Variants in MMP28 observed in about 807,000 individuals in gnomAD.
MMP28 encodes matrix metalloproteinase-28.
A neutral mutation model predicts 60.5 loss-of-function variants in MMP28; 55 were observed. That is an observed-to-expected ratio of 0.91 (90% CI 0.73 to 1.14). MMP28 has a LOEUF of 1.14. MMP28 is among the 50% of genes most tolerant of loss of function. The probability of loss-of-function intolerance (pLI) is 0.00; values close to 1 mark genes in which losing one functional copy is unlikely to be tolerated. For synonymous variants in MMP28, 318 were observed against 312.5 expected (o/e 1.02, Z -0.18); for missense variants, 686 against 738.3 (o/e 0.93, Z 0.82).
downstream of MMP28, among the ~76,000 whole-genome samples, chr17:35,762,453 A>C (rs1254780213): frequency 6.6e-6 from 1 of 152,132 alleles, no homozygotes; most frequent in Non-Finnish European, 1.5e-5. Context: ...CTTCTAGGGG[A>C]GGCCAGCTTA....
rs2086221353 is a variant in MMP28, at chr17:35,773,289, G to A, written c.495C>T (p.Val165=). The A allele has an allele frequency of 6.2e-7, 1 of 1,613,996 alleles. No homozygotes were observed. Among genetic ancestry groups the A allele is most frequent in the African/African-American group, 1.3e-5 (1 of 75,088 alleles). The change falls in exon 4 of 8, where the codon GTC becomes GTT. Residue 165 remains valine, a synonymous_variant. Coordinates refer to ENST00000605424, the MANE Select transcript of MMP28 (RefSeq NM_024302.5). ...VRAAFQLWSN[V]SALEFWEAPA... ...GGGCCTCCCAGAACTCCAGCGCTGA[G>A]ACGTTGCTCCACAACTGGAAGGCGG... is the stretch of plus-strand genomic sequence containing the variant.
At chr17:35,772,525 C>T (rs554333518) in intron 4 of MMP28, among the ~76,000 whole-genome samples, 32 of 152,252 alleles carry the variant, frequency 2.1e-4, no homozygotes, top group African/African-American at 7.7e-4. Flanking sequence ...AGTTCCCAGG[C>T]CATACAAGGG....
In MMP28 at chr17:35,766,784, G is replaced by A; in HGVS notation, c.1279C>T (p.Leu427=). Residue 427 remains leucine (L), a synonymous_variant, in exon 8 of 8, where the codon CTG becomes TTG. Coordinates refer to ENST00000605424, the MANE Select transcript of MMP28 (RefSeq NM_024302.5). This position sits in a 1 kb window ranked among gnomAD's most constrained non-coding sequence, Gnocchi z 4.3. The stretch of plus-strand genomic sequence containing the variant: ...CCCTTGAAGAGGATGAGGCGGCGCA[G>A]AGGAGGGAAGAAGAGGGCGGCGTCA... ...HPDAALFFPP[L]RRLILFKGAR... is the part of the protein sequence containing the mutation. 1 of 1,574,590 alleles carries A rather than the reference G, an allele frequency of 6.4e-7. No homozygotes were observed. Among genetic ancestry groups the A allele is most frequent in the Non-Finnish European group, 8.6e-7 (1 of 1,160,858 alleles).
Position 35,770,125 on chromosome 17 carries a change from C to A in MMP28, c.792G>T (p.Arg264Ser). The part of the protein sequence containing the change: ...PRALMAPYYK[R>S]LGRDALLSWD... The stretch of plus-strand genomic sequence containing the variant: ...AGCTGAGCAGCGCGTCGCGGCCCAG[C>A]CTCTTGTAGTAGGGCGCCATGAGCG... Residue 264 changes from arginine (R) to serine (S), a missense_variant, in exon 5 of 8, where the codon AGG (arginine) becomes AGT (serine). Coordinates refer to ENST00000605424, the MANE Select transcript of MMP28 (RefSeq NM_024302.5). 1.2e-6 allele frequency: 2 copies of A among 1,607,006 alleles called. No homozygotes were observed. The highest frequency in any genetic ancestry group is 1.7e-6 in the Non-Finnish European group (2 of 1,177,386).
At chr17:35,768,484 A>T in intron 5 of MMP28, 105 bp from the exon 6 acceptor site, 6 of 959,006 alleles carry the variant, frequency 6.3e-6, no homozygotes, top group Non-Finnish European at 9.0e-6. Flanking sequence ...ATCTAATATG[A>T]GGGGCAAGGA....
intron 3 of MMP28, among the ~76,000 whole-genome samples, chr17:35,774,803 C>G (rs1598438955): frequency 6.6e-6 from 1 of 152,172 alleles, no homozygotes; most frequent in Non-Finnish European, 1.5e-5. Context: ...GGGAGGGAGA[C>G]AAAGAAGGCA....
intron 3 of MMP28, 41 bp downstream of exon 3, chr17:35,778,847 A>G: frequency 6.2e-7 from 1 of 1,614,022 alleles, no homozygotes; most frequent in Non-Finnish European, 8.5e-7. Context: ...GCTTCAAGAC[A>G]TTGGGAAATC....
chr17:35,790,890 G>GTT (rs75405121), intron 1 of MMP28, among the ~76,000 whole-genome samples: 5,109 of 117,018 alleles, frequency 0.044, 302 homozygotes, highest in African/African-American at 0.13. Context: ...ATGTATTAAT[G>GTT]TTTTTTTTTT....
At chr17:35,764,321 G>T, downstream of MMP28, 3 of 1,477,154 alleles carry the variant, frequency 2.0e-6, no homozygotes, top group South Asian at 1.3e-5. Context: ...AGCTCCCACC[G>T]ACAGGTGCCT....
At chr17:35,777,657 A>C (rs1485304421) in intron 3 of MMP28, among the ~76,000 whole-genome samples, 1 of 152,246 alleles carries the variant, frequency 6.6e-6, no homozygotes, top group African/African-American at 2.4e-5. Context: ...TGATAGATGA[A>C]AACCTGGTTA....
Position 35,777,494 on chromosome 17 carries a change from T to C in MMP28, c.379+1394A>G, listed in dbSNP as rs116624311. ...CCTGGAAACAGCCACCCTCCAACAG[T>C]GAAGGGGAACTGCCCACAATTTCCT... On this transcript the variant is annotated intron_variant, in intron 3 of 7. Transcript: ENST00000605424. Among the ~76,000 whole-genome samples the C allele has an allele frequency of 9.7e-3, 1,481 of 152,222 alleles. 34 individuals carry two copies. Among genetic ancestry groups the C allele is most frequent in the African/African-American group, 0.034 (1,397 of 41,520 alleles).
downstream of MMP28, chr17:35,764,142 G>T (rs1555602143): frequency 1.3e-6 from 2 of 1,549,374 alleles, no homozygotes; most frequent in South Asian, 2.4e-5. Context: ...GCGACGGAGG[G>T]CGAGGAGCCG....
At chr17:35,769,429 G>A (rs2086049992) in intron 5 of MMP28, among the ~76,000 whole-genome samples, 1 of 152,222 alleles carries the variant, frequency 6.6e-6, no homozygotes, top group Non-Finnish European at 1.5e-5. Flanking sequence ...AAATGCCCAA[G>A]AGCATCTGCT....
rs879092945 is a variant in MMP28 at position 35,768,027 on chromosome 17, A to G, written c.1001-108T>C. On this transcript the variant is annotated intron_variant, in intron 6 of 7. Coordinates refer to ENST00000605424, the MANE Select transcript of MMP28 (RefSeq NM_024302.5). Reference sequence around the variant, plus strand: ...TTTCCCAAATGGACAAGCATAGGGTATGGTGTGTACAGTTGGCGCAGAGGG... The same window carrying G: ...TTTCCCAAATGGACAAGCATAGGGTGTGGTGTGTACAGTTGGCGCAGAGGG... 41 of 1,378,056 alleles carry G rather than the reference A, an allele frequency of 3.0e-5. No individual in the cohort carries two copies. The South Asian group carries it at 5.2e-4, about 18-fold the overall frequency. The allele number at this position is 1,378,056 out of a possible 1,614,324, so 85.4% of individuals were successfully genotyped here. A position where few individuals can be genotyped will look rare whatever the true frequency, so the allele number is the denominator to read the frequency against.
At chr17:35,761,080 T>G, downstream of MMP28, 1 of 945,454 alleles carries the variant, frequency 1.1e-6, no homozygotes, top group Non-Finnish European at 1.5e-6. Flanking sequence ...CTGCAAGCCC[T>G]CTCCTTTCGC....
In MMP28 at chr17:35,769,703, G is replaced by A. The variant is rs912947506; in HGVS notation, c.850+364C>T. Among the ~76,000 whole-genome samples, 65 of 152,202 alleles carry A rather than the reference G, an allele frequency of 4.3e-4. 1 individual carries two copies. The highest frequency in any genetic ancestry group is 1.4e-3 in the African/African-American group (60 of 41,516). ...CTTTGGGGTCCGGGATGGGGGAAGA[G>A]GTGGGCCCAAGGATTGGGTATGGGT... On this transcript the variant is annotated intron_variant, in intron 5 of 7. Transcript: ENST00000605424.
At chr17:35,768,773 G>GC (rs1246581002) in intron 5 of MMP28, among the ~76,000 whole-genome samples, 5 of 152,110 alleles carry the variant, frequency 3.3e-5, no homozygotes, top group South Asian at 2.1e-4. Flanking sequence ...TCATGCCACT[G>GC]CACGCTAGCC....
At position 35,777,763 on chromosome 17, in the gene MMP28, G is replaced by A. The variant is rs114256725; in HGVS notation, c.379+1125C>T. ...CAATCAGGTTGTTAATATTATGCAC[G>A]GTAGGCCAGGTGCGGTGGCTCACGC... is the stretch of plus-strand genomic sequence containing the variant. On this transcript the variant is annotated intron_variant, in intron 3 of 7. Coordinates refer to ENST00000605424, the MANE Select transcript of MMP28 (RefSeq NM_024302.5). Among the ~76,000 whole-genome samples, 847 of 152,304 alleles carry A rather than the reference G, an allele frequency of 5.6e-3. 8 individuals carry two copies. The highest frequency in any genetic ancestry group is 0.016 in the African/African-American group (661 of 41,564).
At chr17:35,786,250 G>A (rs192925560) in intron 1 of MMP28, among the ~76,000 whole-genome samples, 2 of 151,816 alleles carry the variant, frequency 1.3e-5, no homozygotes, top group African/African-American at 4.8e-5. Flanking sequence ...TAGAAACGGG[G>A]TTTCACCATG....
Sources: allele counts gnomAD v4.1 joint callset (sites outside exome capture counted in the v4.1 genomes callset), GRCh38; gene constraint gnomAD v4.1.1; non-coding constraint Gnocchi (gnomAD v3.1); transcripts MANE v1.5; gene names NCBI Gene and HGNC (gene_info 2026-07-23, HGNC 2026-07-21).